The following RYR2 variants were observed in gnomAD, a reference collection of about 807,000 sequenced individuals.
RYR2 encodes the protein ryanodine receptor 2, also known as cardiac muscle ryanodine receptor-calcium release channel.
Under a neutral mutation model 601.1 loss-of-function variants are expected in RYR2, and 227 were observed. That is an observed-to-expected ratio of 0.38 (90% CI 0.34 to 0.42). The LOEUF is 0.42. RYR2 is among the 10% of genes least tolerant of loss of function. The pLI is 1.00. For missense variants in RYR2, 4,646 were observed against 6,156.5 expected (o/e 0.75, Z 8.21); for synonymous variants, 2,223 against 2,175.1 (o/e 1.02, Z -0.61).
At chr1:237,270,370 A>G (rs748290527) in intron 1 of RYR2, 127 bp from the exon 2 acceptor site, 13 of 1,337,350 alleles carry the variant, frequency 9.7e-6, no homozygotes, top group Non-Finnish European at 1.4e-5. Context: ...TGTTTTTTTG[A>G]CAGTAGTTTT....
chr1:237,436,039 A>G (rs975946616), intron 12 of RYR2, among the ~76,000 whole-genome samples: 3 of 152,198 alleles, frequency 2.0e-5, no homozygotes, highest in African/African-American at 7.2e-5. Flanking sequence ...GTAGAGTCCC[A>G]TGGAAACTAG....
intron 25 of RYR2, among the ~76,000 whole-genome samples, chr1:237,539,888 T>C (rs2483038): frequency 0.36 from 55,122 of 151,926 alleles, 10,569 homozygotes; most frequent in East Asian, 0.49. Flanking sequence ...TGTGTACATC[T>C]TGCACATGTA....
chr1:237,788,722 A>G (rs1483887934), intron 92 of RYR2, among the ~76,000 whole-genome samples: 1 of 152,214 alleles, frequency 6.6e-6, no homozygotes, highest in Admixed American at 6.5e-5. Flanking sequence ...GAGGGATTAC[A>G]GTTCTTTATA....
At chr1:237,391,972 A>T (rs1011518343) in intron 10 of RYR2, among the ~76,000 whole-genome samples, 3 of 152,090 alleles carry the variant, frequency 2.0e-5, no homozygotes, top group Admixed American at 1.3e-4. Context: ...AAGTTACTTG[A>T]GATTTTTTTC....
intron 86 of RYR2, 116 bp from the exon 87 acceptor site, chr1:237,773,404 T>C (rs1694422024): frequency 1.6e-6 from 1 of 627,002 alleles, no homozygotes; most frequent in Non-Finnish European, 2.7e-6. Flanking sequence ...GATATTTTTG[T>C]TTGCTACCAT....
intron 2 of RYR2, among the ~76,000 whole-genome samples, chr1:237,272,388 G>C (rs1689787214): frequency 6.6e-6 from 1 of 151,854 alleles, no homozygotes; most frequent in Non-Finnish European, 1.5e-5. Flanking sequence ...TCAAGTAGTG[G>C]GGAGAACCAC....
intron 13 of RYR2, 106 bp downstream of exon 13, chr1:237,441,589 A>T: frequency 9.1e-7 from 1 of 1,095,072 alleles, no homozygotes; most frequent in Non-Finnish European, 1.3e-6. Context: ...GCAAAAGTTC[A>T]TAATTTTGCA....
intron 1 of RYR2, among the ~76,000 whole-genome samples, chr1:237,114,236 A>G (rs1384899115): frequency 6.6e-6 from 1 of 152,216 alleles, no homozygotes; most frequent in Admixed American, 6.5e-5. Flanking sequence ...GGTCAATATT[A>G]CTAGGATTGG....
intron 1 of RYR2, among the ~76,000 whole-genome samples, chr1:237,165,760 G>A (rs1405798605): frequency 1.3e-5 from 2 of 152,104 alleles, no homozygotes; most frequent in Non-Finnish European, 2.9e-5. Context: ...CCAGCTACTT[G>A]AGAGGCTGAG....
chr1:237,643,140 A>C (rs1681743941), intron 47 of RYR2, among the ~76,000 whole-genome samples, 187 bp from the exon 48 acceptor site: 1 of 152,228 alleles, frequency 6.6e-6, no homozygotes, highest in African/African-American at 2.4e-5. Context: ...GAAATCACTG[A>C]AAACTGTTTG....
At chr1:237,387,197 C>A (rs551115365) in intron 8 of RYR2, 84 bp from the exon 9 acceptor site, 3 of 1,190,740 alleles carry the variant, frequency 2.5e-6, no homozygotes, top group East Asian at 2.3e-5. Flanking sequence ...AAATCAGCAA[C>A]GTTAAGTTTG....
chr1:237,824,460 T>G (rs1295454148), intron 101 of RYR2, among the ~76,000 whole-genome samples: 1 of 152,170 alleles, frequency 6.6e-6, no homozygotes, highest in African/African-American at 2.4e-5. Context: ...AGAAAAGGCC[T>G]TCGACAAAAT....
chr1:237,674,369 C>T, intron 59 of RYR2, 150 bp downstream of exon 59: 1 of 634,424 alleles, frequency 1.6e-6, no homozygotes, highest in Non-Finnish European at 2.7e-6. Flanking sequence ...ACATCAGAAA[C>T]ATTAACACCC....
chr1:237,256,283 A>G (rs540663949), intron 1 of RYR2, among the ~76,000 whole-genome samples: 2 of 152,256 alleles, frequency 1.3e-5, no homozygotes, highest in South Asian at 2.1e-4. Flanking sequence ...AGCCACATGG[A>G]ACTGTGAGTC....
intron 1 of RYR2, among the ~76,000 whole-genome samples, chr1:237,054,712 T>G (rs1268356133): frequency 2.6e-5 from 4 of 152,192 alleles, no homozygotes; most frequent in African/African-American, 9.6e-5. Context: ...ATCTTTGATG[T>G]GTTCATTTTG....
intron 2 of RYR2, among the ~76,000 whole-genome samples, chr1:237,279,535 A>G (rs903768473): frequency 2.0e-5 from 3 of 152,230 alleles, no homozygotes; most frequent in African/African-American, 7.2e-5. Context: ...ATTATTAAGC[A>G]GTGATAGTTT....
At chr1:237,676,785 G>T (rs1027492122) in intron 60 of RYR2, among the ~76,000 whole-genome samples, 5 of 152,010 alleles carry the variant, frequency 3.3e-5, no homozygotes, top group Non-Finnish European at 7.4e-5. Context: ...GTATAATACC[G>T]TAGATTGTAA....
At chr1:237,790,293 C>G (rs1010559596) in intron 92 of RYR2, among the ~76,000 whole-genome samples, 1 of 152,046 alleles carries the variant, frequency 6.6e-6, no homozygotes, top group African/African-American at 2.4e-5. Context: ...AAATACAACC[C>G]AACGATAATT....
At chr1:237,622,713 T>C (rs1046872818) in intron 38 of RYR2, among the ~76,000 whole-genome samples, 3 of 152,212 alleles carry the variant, frequency 2.0e-5, no homozygotes, top group Admixed American at 6.5e-5. Flanking sequence ...TGAAGTGATA[T>C]GTCAGCACTG....
Sources: allele counts gnomAD v4.1 joint callset (sites outside exome capture counted in the v4.1 genomes callset), GRCh38; gene constraint gnomAD v4.1.1; transcripts MANE v1.5; gene names NCBI Gene and HGNC (gene_info 2026-07-23, HGNC 2026-07-21).